The following KIAA0825 variants were observed in gnomAD, a reference collection of about 807,000 sequenced individuals.
KIAA0825 encodes the protein KIAA0825.
Under a neutral mutation model 147.6 loss-of-function variants are expected in KIAA0825, and 119 were observed. That is an observed-to-expected ratio of 0.81 (90% CI 0.69 to 0.94). KIAA0825 has a LOEUF of 0.94. KIAA0825 is among the 40% of genes least tolerant of loss of function. KIAA0825 has a pLI of 0.00. For missense variants in KIAA0825, 1,381 were observed against 1,472.7 expected (o/e 0.94, Z 1.02); for synonymous variants, 470 against 518.1 (o/e 0.91, Z 1.26).
intron 10 of KIAA0825, among the ~76,000 whole-genome samples, chr5:94,465,902 G>A (rs1048341925): frequency 7.2e-5 from 11 of 152,158 alleles, no homozygotes; most frequent in Non-Finnish European, 1.3e-4. Flanking sequence ...CAGGTAACAC[G>A]TACTCTCAGG....
chr5:94,154,287 G>A (rs1470941048), intron 20 of KIAA0825, among the ~76,000 whole-genome samples, 163 bp from the exon 21 acceptor site: 1 of 152,160 alleles, frequency 6.6e-6, no homozygotes, highest in East Asian at 1.9e-4. Context: ...CATTGGCACT[G>A]CCCCCGCGGA....
intron 20 of KIAA0825, among the ~76,000 whole-genome samples, chr5:94,333,461 C>A (rs953036930): frequency 6.6e-6 from 1 of 151,974 alleles, no homozygotes; most frequent in African/African-American, 2.4e-5. Context: ...GCCAGTTTTC[C>A]CAACATCTTT....
At chr5:94,180,757 TTAAC>T (rs1250505891) in intron 20 of KIAA0825, among the ~76,000 whole-genome samples, 1 of 152,176 alleles carries the variant, frequency 6.6e-6, no homozygotes, top group Non-Finnish European at 1.5e-5. Context: ...TTTCTTGAAA[TTAAC>T]TAAGTCTTAC....
At chr5:94,466,101 T>G (rs1760459387) in intron 10 of KIAA0825, among the ~76,000 whole-genome samples, 1 of 152,124 alleles carries the variant, frequency 6.6e-6, no homozygotes, top group African/African-American at 2.4e-5. Context: ...TTGTCTACTA[T>G]CTGTATTTGT....
At chr5:94,533,009 C>T (rs1454332082) in intron 3 of KIAA0825, among the ~76,000 whole-genome samples, 1 of 147,770 alleles carries the variant, frequency 6.8e-6, no homozygotes, top group East Asian at 2.0e-4. Flanking sequence ...GACGGAGTCT[C>T]GCTCTGTCGC....
intron 20 of KIAA0825, among the ~76,000 whole-genome samples, chr5:94,197,316 GT>G (rs1771226100): frequency 6.6e-6 from 1 of 152,062 alleles, no homozygotes; most frequent in South Asian, 2.1e-4. Context: ...TAATGGGATT[GT>G]TTGTTTTTTT....
At chr5:94,296,127 G>A (rs1036479146) in intron 20 of KIAA0825, among the ~76,000 whole-genome samples, 6 of 152,196 alleles carry the variant, frequency 3.9e-5, no homozygotes, top group African/African-American at 1.2e-4. Context: ...ATCTAAAGAG[G>A]CAGTCTGGCT....
intron 5 of KIAA0825, among the ~76,000 whole-genome samples, chr5:94,502,356 A>G (rs1408959681): frequency 7.9e-5 from 12 of 152,220 alleles, no homozygotes; most frequent in Non-Finnish European, 5.9e-5. Context: ...TGCAACATCT[A>G]TATTATAGAA....
At chr5:94,383,787 C>CTGTGTG (rs6149118) in intron 20 of KIAA0825, among the ~76,000 whole-genome samples, 20,448 of 145,286 alleles carry the variant, frequency 0.14, 1,430 homozygotes, top group African/African-American at 0.17. Context: ...TTATACTGCT[C>CTGTGTG]TGTGTGTGTG....
At chr5:94,542,093 T>C (rs1773437890) in intron 2 of KIAA0825, among the ~76,000 whole-genome samples, 1 of 152,226 alleles carries the variant, frequency 6.6e-6, no homozygotes. Context: ...TGGTCCTCTT[T>C]AGTAGGTGAT....
At chr5:94,303,286 TATAAA>T (rs1311498075) in intron 20 of KIAA0825, among the ~76,000 whole-genome samples, 3 of 152,026 alleles carry the variant, frequency 2.0e-5, no homozygotes, top group African/African-American at 7.2e-5. Context: ...AAATTTAAAA[TATAAA>T]AGTAGGAATC....
chr5:94,439,875 C>G (rs571081337), intron 14 of KIAA0825, 107 bp downstream of exon 14: 3 of 1,139,176 alleles, frequency 2.6e-6, no homozygotes, highest in Non-Finnish European at 3.7e-6. Flanking sequence ...TTGATACATG[C>G]TATTGGTTTA....
intron 15 of KIAA0825, among the ~76,000 whole-genome samples, chr5:94,404,384 T>C (rs1240248521): frequency 6.6e-6 from 1 of 152,172 alleles, no homozygotes. Context: ...CTGTACTCTA[T>C]AATATTAATG....
chr5:94,368,621 G>A (rs1255323823), intron 20 of KIAA0825, among the ~76,000 whole-genome samples: 1 of 152,176 alleles, frequency 6.6e-6, no homozygotes, highest in Non-Finnish European at 1.5e-5. Flanking sequence ...TTTTGAGAGT[G>A]GAGGCATATG....
chr5:94,363,225 C>A (rs1745326557), intron 20 of KIAA0825, among the ~76,000 whole-genome samples: 1 of 145,994 alleles, frequency 6.8e-6, no homozygotes, highest in Admixed American at 6.9e-5. Flanking sequence ...AGGTTTAATT[C>A]ATTAACCTAG....
intron 16 of KIAA0825, among the ~76,000 whole-genome samples, chr5:94,402,640 G>C (rs1751529492): frequency 6.6e-6 from 1 of 151,856 alleles, no homozygotes; most frequent in Non-Finnish European, 1.5e-5. Flanking sequence ...TGACTTTAGT[G>C]AGTGCGGCTG....
chr5:94,244,510 T>A (rs572061237), intron 20 of KIAA0825, among the ~76,000 whole-genome samples: 4 of 152,118 alleles, frequency 2.6e-5, no homozygotes, highest in East Asian at 3.9e-4. Context: ...CTTAAAAAAA[T>A]TTTTTTCTTG....
intron 5 of KIAA0825, among the ~76,000 whole-genome samples, chr5:94,505,358 C>T (rs1353869663): frequency 1.4e-5 from 2 of 140,112 alleles, no homozygotes; most frequent in South Asian, 2.3e-4. Context: ...GAGACTCTGT[C>T]TTTAAAAAAA....
chr5:94,325,081 T>G (rs1780550584), intron 20 of KIAA0825, among the ~76,000 whole-genome samples: 1 of 152,026 alleles, frequency 6.6e-6, no homozygotes, highest in African/African-American at 2.4e-5. Context: ...TAGAGATGAT[T>G]GATTATGTTA....
Sources: allele counts gnomAD v4.1 joint callset (sites outside exome capture counted in the v4.1 genomes callset), GRCh38; gene constraint gnomAD v4.1.1; transcripts MANE v1.5; gene names NCBI Gene and HGNC (gene_info 2026-07-23, HGNC 2026-07-21).